RBFOX1: variants seen among roughly 807,000 people sequenced by gnomAD.
RBFOX1 encodes the protein RNA binding protein fox-1 homolog 1.
A neutral mutation model predicts 57.7 loss-of-function variants in RBFOX1; 8 were observed. The observed-to-expected ratio is 0.14, with a 90% CI of 0.08 to 0.25. RBFOX1 has a LOEUF of 0.25. Ranked by LOEUF, RBFOX1 falls within the 10% of genes least tolerant of loss-of-function variation. The pLI, the probability that RBFOX1 is intolerant of heterozygous loss-of-function variation, is 1.00. For synonymous variants in RBFOX1, 326 were observed against 222.4 expected, an observed-to-expected ratio of 1.47 and a Z score of -4.15; for missense variants, 611 against 548.5, an observed-to-expected ratio of 1.11 and a Z score of -1.14.
At chr16:5,749,065 G>C (rs2053094632) in intron 3 of RBFOX1, among the ~76,000 whole-genome samples, 1 of 152,114 alleles carries the variant, frequency 6.6e-6, no homozygotes, top group Non-Finnish European at 1.5e-5. Context: ...GGGCAGGCCT[G>C]GTGGTGACAA....
intron 4 of RBFOX1, among the ~76,000 whole-genome samples, chr16:7,082,084 T>C (rs1450859378): frequency 6.6e-6 from 1 of 152,132 alleles, no homozygotes; most frequent in Non-Finnish European, 1.5e-5. Flanking sequence ...CACCCCAATT[T>C]GCAGGATCTG....
chr16:6,829,488 A>AAC (rs1722832855), intron 3 of RBFOX1, among the ~76,000 whole-genome samples: 1 of 150,590 alleles, frequency 6.6e-6, no homozygotes, highest in Non-Finnish European at 1.5e-5. Flanking sequence ...CATTAAAAAA[A>AAC]AAAAAAACAA....
chr16:6,178,707 C>T (rs1029813169), intron 1 of RBFOX1, among the ~76,000 whole-genome samples: 1 of 152,152 alleles, frequency 6.6e-6, no homozygotes, highest in Non-Finnish European at 1.5e-5. Context: ...CTTCTCATCT[C>T]GTTCTTCAAG....
chr16:6,464,823 T>G (rs1321480023), intron 2 of RBFOX1, among the ~76,000 whole-genome samples: 1 of 152,234 alleles, frequency 6.6e-6, no homozygotes, highest in Non-Finnish European at 1.5e-5. Flanking sequence ...CTGCAATGTT[T>G]AAGCCAAGTT....
intron 2 of RBFOX1, among the ~76,000 whole-genome samples, chr16:6,421,637 C>T (rs1020262152): frequency 8.5e-5 from 13 of 152,152 alleles, no homozygotes; most frequent in East Asian, 7.7e-4. Flanking sequence ...AGCGTCACCA[C>T]GAATGACACT....
At chr16:5,478,883 AC>A (rs1216283258) in intron 2 of RBFOX1, among the ~76,000 whole-genome samples, 1 of 152,010 alleles carries the variant, frequency 6.6e-6, no homozygotes, top group Non-Finnish European at 1.5e-5. Flanking sequence ...CTGTCAGGCA[AC>A]CCTCTCTGTC....
At chr16:5,288,295 G>C (rs1596402541) in intron 1 of RBFOX1, among the ~76,000 whole-genome samples, 1 of 151,058 alleles carries the variant, frequency 6.6e-6, no homozygotes, top group African/African-American at 2.4e-5. Context: ...AAGGCCGGCT[G>C]TTAGGAGGCT....
At chr16:6,782,014 A>G (rs940121972) in intron 3 of RBFOX1, among the ~76,000 whole-genome samples, 2 of 151,290 alleles carry the variant, frequency 1.3e-5, no homozygotes, top group African/African-American at 2.4e-5. Flanking sequence ...TGTTGTTGTT[A>G]TTGTTGTTTT....
chr16:6,619,727 C>G (rs931932716), intron 2 of RBFOX1, among the ~76,000 whole-genome samples: 21 of 132,952 alleles, frequency 1.6e-4, no homozygotes, highest in Admixed American at 8.7e-4. Context: ...TCATTTTAAA[C>G]TCAAGGTTAC....
At chr16:5,579,063 G>A (rs984535507) in intron 2 of RBFOX1, among the ~76,000 whole-genome samples, 3 of 151,934 alleles carry the variant, frequency 2.0e-5, no homozygotes, top group African/African-American at 7.3e-5. Flanking sequence ...GGCCAGGCTG[G>A]TCTGGAACTC....
At chr16:7,074,141 T>C (rs1323642409) in intron 4 of RBFOX1, among the ~76,000 whole-genome samples, 1 of 152,158 alleles carries the variant, frequency 6.6e-6, no homozygotes, top group Non-Finnish European at 1.5e-5. Context: ...TGTCCACTGA[T>C]TAGGAGAAAA....
chr16:6,532,407 G>C (rs913024717), intron 2 of RBFOX1, among the ~76,000 whole-genome samples: 4 of 152,102 alleles, frequency 2.6e-5, no homozygotes, highest in African/African-American at 9.7e-5. Flanking sequence ...TCCACTCCAG[G>C]GTGGCCCTCA....
chr16:7,123,831 G>A (rs1290199362), intron 4 of RBFOX1, among the ~76,000 whole-genome samples: 1 of 152,226 alleles, frequency 6.6e-6, no homozygotes, highest in South Asian at 2.1e-4. Flanking sequence ...AAGAAGAAGG[G>A]TTTTGCACGA....
chr16:7,413,534 G>T (rs2098450205), intron 4 of RBFOX1, among the ~76,000 whole-genome samples: 1 of 151,974 alleles, frequency 6.6e-6, no homozygotes, highest in South Asian at 2.1e-4. Flanking sequence ...GATGCCCTCT[G>T]TCTCCTTGTA....
intron 2 of RBFOX1, among the ~76,000 whole-genome samples, chr16:6,580,546 A>G (rs987907555): frequency 5.9e-5 from 9 of 152,048 alleles, no homozygotes; most frequent in Non-Finnish European, 1.2e-4. Flanking sequence ...TAATGAAAAA[A>G]TAAATACACG....
At chr16:6,935,147 C>A (rs1009599818) in intron 3 of RBFOX1, among the ~76,000 whole-genome samples, 6 of 152,070 alleles carry the variant, frequency 3.9e-5, no homozygotes, top group African/African-American at 1.4e-4. Flanking sequence ...TGACCTTGAG[C>A]TATATGCCTA....
At chr16:6,609,205 C>T (rs1382791478) in intron 2 of RBFOX1, among the ~76,000 whole-genome samples, 2 of 152,286 alleles carry the variant, frequency 1.3e-5, no homozygotes, top group African/African-American at 4.8e-5. Flanking sequence ...CACAATTCTG[C>T]CTTCCACAGC....
At chr16:7,413,653 T>G (rs752270694) in intron 4 of RBFOX1, among the ~76,000 whole-genome samples, 1 of 152,060 alleles carries the variant, frequency 6.6e-6, no homozygotes, top group African/African-American at 2.4e-5. Context: ...GTTGCCTGTT[T>G]TCTAACATAA....
At chr16:5,492,858 C>T (rs1329897888) in intron 2 of RBFOX1, among the ~76,000 whole-genome samples, 1 of 152,230 alleles carries the variant, frequency 6.6e-6, no homozygotes, top group Admixed American at 6.5e-5. Context: ...TTCTTACCTT[C>T]TAAGAGTGAC....
Sources: gnomAD v4.1 joint callset for allele counts (sites outside exome capture counted in the v4.1 genomes callset) on GRCh38, gnomAD v4.1.1 for gene constraint, MANE v1.5 for transcripts, NCBI Gene and HGNC (gene_info 2026-07-23, HGNC 2026-07-21) for gene names.